The following THUMPD3 variants were observed in gnomAD, a reference collection of about 807,000 sequenced individuals.
THUMPD3 encodes the protein THUMP domain 3 tRNA guanosine methyltransferase, also known as tRNA (guanine(6)-N(2))-methyltransferase THUMP3.
THUMPD3 carries 44 observed loss-of-function variants against 54.5 expected under a neutral mutation model. The observed-to-expected ratio is 0.81, with a 90% confidence interval of 0.63 to 1.04. The LOEUF is 1.04. THUMPD3 is among the 50% of genes least tolerant of loss of function. The pLI is 0.00. For missense variants in THUMPD3, 604 were observed against 601.3 expected (o/e 1.00, Z -0.05); for synonymous variants, 196 against 201.4 (o/e 0.97, Z 0.23).
At chr3:9,378,108 A>G (rs539155939) in intron 6 of THUMPD3, among the ~76,000 whole-genome samples, 6 of 152,352 alleles carry the variant, frequency 3.9e-5, no homozygotes, top group Admixed American at 2.6e-4. Context: ...AGTGACATCT[A>G]TTCACTAGAT....
At chr3:9,369,335 AAAG>A (rs1398395044) in intron 3 of THUMPD3, among the ~76,000 whole-genome samples, 7 of 146,270 alleles carry the variant, frequency 4.8e-5, no homozygotes, top group African/African-American at 1.8e-4. Flanking sequence ...AAAAAAAAAG[AAAG>A]AAATACTCTG....
chr3:9,384,109 C>G, intron 8 of THUMPD3, 103 bp from the exon 9 acceptor site: 2 of 1,268,390 alleles, frequency 1.6e-6, no homozygotes, highest in South Asian at 3.0e-5. Context: ...AAAACTACAG[C>G]TATTTTTCAT....
At chr3:9,364,830 TCTTTAATAATAA>T (rs2031379406) in intron 1 of THUMPD3, among the ~76,000 whole-genome samples, 174 bp from the exon 2 acceptor site, 1 of 152,252 alleles carries the variant, frequency 6.6e-6, no homozygotes, top group African/African-American at 2.4e-5. Context: ...CTGTATTGCT[TCTTTAATAATAA>T]CATCATGTTT....
At chr3:9,378,220 A>C (rs1053186921) in intron 6 of THUMPD3, among the ~76,000 whole-genome samples, 3 of 152,230 alleles carry the variant, frequency 2.0e-5, no homozygotes, top group African/African-American at 2.4e-5. Context: ...GCATAAGCAT[A>C]AACTGGAGGA....
rs376797100 is a variant in THUMPD3, at chr3:9,365,087, G to C, written c.19G>C (p.Ala7Pro). The C allele has an allele frequency of 6.1e-5, 99 of 1,614,058 alleles. No individual in the cohort carries two copies. Among genetic ancestry groups the C allele is most frequent in the African/African-American group, 3.5e-4 (26 of 75,044 alleles). The change falls in exon 2 of 10, where the codon GCC becomes CCC. Residue 7 changes from alanine to proline, a missense_variant. Ala to Pro is a conservative substitution (Grantham distance 27). Coordinates refer to ENST00000452837, the MANE Select transcript of THUMPD3 (RefSeq NM_001114092.2). MCDIEEATNQLLDVNLH... is the reference protein window; with the variant it reads MCDIEEPTNQLLDVNLH... ...AGCCAACATGTGTGACATTGAAGAA[G>C]CCACTAACCAACTCCTAGATGTGAA... is the stretch of plus-strand genomic sequence containing the variant.
Position 9,385,432 on chromosome 3 carries a change from TGAAG to T in THUMPD3, c.*748_*751del, listed in dbSNP as rs2033266025. ...GTTGCTCAAGTTCTTTACCTCAACC[TGAAG>T]GAATGAAGCATTATTACATTTTGTG... is the stretch of plus-strand genomic sequence containing the variant. On this transcript the variant is annotated 3_prime_UTR_variant, in exon 10 of 10. Transcript: ENST00000452837. 2.0e-5 allele frequency: 3 copies of T among 152,358 alleles called. No individual in the cohort carries two copies. In the South Asian group the frequency reaches 6.2e-4, roughly 32 times the overall value. The allele number at this position is 152,358 out of a possible 1,614,324, so 9.4% of individuals were successfully genotyped here. A position where few individuals can be genotyped will look rare whatever the true frequency, so the allele number is the denominator to read the frequency against.
chr3:9,382,976 A>C (rs1218616195), intron 7 of THUMPD3: 3 of 400,572 alleles, frequency 7.5e-6, no homozygotes, highest in Admixed American at 3.7e-5. Context: ...TGATCCTCCC[A>C]CCTCAGCCCC....
chr3:9,371,742 T>G (rs931249828), intron 4 of THUMPD3, among the ~76,000 whole-genome samples: 2 of 152,246 alleles, frequency 1.3e-5, no homozygotes, highest in African/African-American at 4.8e-5. Flanking sequence ...AGCCTCTGTT[T>G]CAAATGGAGC....
At chr3:9,381,347 C>G (rs921617045) in intron 7 of THUMPD3, among the ~76,000 whole-genome samples, 1 of 152,142 alleles carries the variant, frequency 6.6e-6, no homozygotes, top group Admixed American at 6.5e-5. Flanking sequence ...TCTCTCTGAT[C>G]TAATTTTTTA....
intron 6 of THUMPD3, among the ~76,000 whole-genome samples, chr3:9,378,607 C>G (rs897183741): frequency 6.6e-6 from 1 of 152,140 alleles, no homozygotes; most frequent in Non-Finnish European, 1.5e-5. Context: ...TGCAGGGAGA[C>G]ACAGCAGATT....
At chr3:9,381,340 C>T (rs1233718097) in intron 7 of THUMPD3, among the ~76,000 whole-genome samples, 1 of 152,134 alleles carries the variant, frequency 6.6e-6, no homozygotes, top group African/African-American at 2.4e-5. Flanking sequence ...TTCATTGTCT[C>T]TCTGATCTAA....
At position 9,384,614 on chromosome 3, in the gene THUMPD3, C is replaced by G; in HGVS notation, c.1450C>G (p.Arg484Gly). Residue 484 changes from arginine (R) to glycine (G), a missense_variant, in exon 10 of 10, where the codon CGT becomes GGT. Arg to Gly is a moderately radical substitution (Grantham distance 125, BLOSUM62 -2). Coordinates refer to ENST00000452837, the MANE Select transcript of THUMPD3 (RefSeq NM_001114092.2). ...GLRAAVYVLI[R>G]TPQAFVHPSE... The stretch of plus-strand genomic sequence containing the variant: ...TCGTGCTGCAGTTTACGTTCTGATA[C>G]GTACACCTCAAGCTTTTGTTCATCC... 1 of 1,614,112 alleles carries G rather than the reference C, an allele frequency of 6.2e-7. No individual in the cohort carries two copies. The highest frequency in any genetic ancestry group is 8.5e-7 in the Non-Finnish European group (1 of 1,180,034).
At chr3:9,376,655 GATAA>G (rs766896031) in intron 5 of THUMPD3, among the ~76,000 whole-genome samples, 2 of 152,166 alleles carry the variant, frequency 1.3e-5, no homozygotes, top group Non-Finnish European at 2.9e-5. Context: ...TTGTGAGGGA[GATAA>G]ATAGTTATCA....
At chr3:9,379,552 G>A (rs2032719802) in intron 6 of THUMPD3, among the ~76,000 whole-genome samples, 1 of 152,178 alleles carries the variant, frequency 6.6e-6, no homozygotes, top group African/African-American at 2.4e-5. Context: ...CAGGCCTAGG[G>A]TCACGTCACC....
intron 6 of THUMPD3, 99 bp downstream of exon 6, chr3:9,377,987 C>A: frequency 1.0e-6 from 1 of 960,524 alleles, no homozygotes; most frequent in Non-Finnish European, 1.6e-6. Context: ...ATGGTTGGAT[C>A]AGTGGACCCA....
In THUMPD3 at chr3:9,385,990, T is replaced by C. The variant is rs2033301411; in HGVS notation, c.*1302T>C. 6.6e-6 allele frequency: 1 copy of C among 152,220 alleles called. No individual in the cohort carries two copies. The highest frequency in any genetic ancestry group is 1.5e-5 in the Non-Finnish European group (1 of 68,046). 9.4% of individuals were successfully genotyped at this position (152,220 alleles called of 1,614,324 possible). On this transcript the variant is annotated 3_prime_UTR_variant, in exon 10 of 10. Coordinates refer to ENST00000452837, the MANE Select transcript of THUMPD3 (RefSeq NM_001114092.2). ...ATAGTATTGTTTATTTTGGAGCCTC[T>C]GGCTGCAATCAGTATAGATTTTCAG...
intron 9 of THUMPD3, 78 bp from the exon 10 acceptor site, chr3:9,384,446 T>C: frequency 1.2e-6 from 2 of 1,602,570 alleles, no homozygotes; most frequent in Non-Finnish European, 1.7e-6. Context: ...TGAGGTTTCC[T>C]ATCTTGGCAG....
rs745658486 is a variant in THUMPD3, at chr3:9,371,274, C to A, written c.545C>A (p.Ser182Tyr). ...KKEFTSHALD[S>Y]HILDYYENPA... The stretch of plus-strand genomic sequence containing the variant: ...GAGTTCACTAGCCATGCTTTAGATT[C>A]TCATATCTTAGATTATTATGAAAAT... The change falls in exon 4 of 10, where the codon TCT becomes TAT. Residue 182 changes from serine to tyrosine, a missense_variant. Transcript: ENST00000452837. The A allele has an allele frequency of 6.2e-7, 1 of 1,613,510 alleles. No individual in the cohort carries two copies. The highest frequency in any genetic ancestry group is 1.3e-5 in the African/African-American group (1 of 74,872).
intron 1 of THUMPD3, among the ~76,000 whole-genome samples, chr3:9,364,534 A>G (rs1575046794): frequency 6.6e-6 from 1 of 152,068 alleles, no homozygotes; most frequent in Admixed American, 6.5e-5. Context: ...TTTAGTAGAG[A>G]CGGGGTTTCA....
Sources: gnomAD v4.1 joint callset for allele counts (sites outside exome capture counted in the v4.1 genomes callset) on GRCh38, gnomAD v4.1.1 for gene constraint, MANE v1.5 for transcripts, NCBI Gene and HGNC (gene_info 2026-07-23, HGNC 2026-07-21) for gene names.